Variants in CACNA2D3 observed in about 807,000 individuals in gnomAD.
The protein encoded by CACNA2D3 is voltage-dependent calcium channel subunit alpha-2/delta-3.
CACNA2D3 carries 60 observed loss-of-function variants against 160.6 expected under a neutral mutation model. The observed-to-expected ratio is 0.37, with a 90% CI of 0.30 to 0.46. The LOEUF (loss-of-function observed/expected upper bound fraction) is 0.46. CACNA2D3 is among the 20% of genes least tolerant of loss of function. The pLI is 1.00. For synonymous variants in CACNA2D3, 558 were observed against 492.9 expected (o/e 1.13, Z -1.75); for missense variants, 1,205 against 1,365.0 (o/e 0.88, Z 1.85).
intron 9 of CACNA2D3, among the ~76,000 whole-genome samples, chr3:54,618,760 G>A (rs1698919145): frequency 6.6e-6 from 1 of 152,176 alleles, no homozygotes; most frequent in Non-Finnish European, 1.5e-5. Flanking sequence ...AACTGTAGGT[G>A]TGACTGCGAG....
chr3:54,321,179 G>C (rs1198604644), intron 3 of CACNA2D3, among the ~76,000 whole-genome samples: 1 of 152,092 alleles, frequency 6.6e-6, no homozygotes, highest in African/African-American at 2.4e-5. Flanking sequence ...AATTAGCCGG[G>C]TGTGTTGGTG....
chr3:54,809,627 T>C (rs948968656), intron 13 of CACNA2D3, among the ~76,000 whole-genome samples: 3 of 149,560 alleles, frequency 2.0e-5, no homozygotes, highest in African/African-American at 5.1e-5. Context: ...CCCTTCCTTC[T>C]TTCTTTCTTT....
At chr3:54,487,336 C>T (rs1701030405) in intron 4 of CACNA2D3, among the ~76,000 whole-genome samples, 1 of 152,100 alleles carries the variant, frequency 6.6e-6, no homozygotes, top group South Asian at 2.1e-4. Flanking sequence ...CCACTGCACT[C>T]CTGCTTGGGT....
At chr3:55,073,399 A>C in intron 35 of CACNA2D3, 46 bp from the exon 36 acceptor site, 1 of 1,447,686 alleles carries the variant, frequency 6.9e-7, no homozygotes, top group South Asian at 1.1e-5. Context: ...TGGCTCTTTA[A>C]TTGACGGATG....
intron 3 of CACNA2D3, among the ~76,000 whole-genome samples, chr3:54,341,660 A>G (rs116276113): frequency 7.9e-5 from 12 of 152,338 alleles, no homozygotes; most frequent in Non-Finnish European, 1.5e-4. Flanking sequence ...AAGTGTCAGT[A>G]GCATCTCCAG....
rs137949841 is a variant in CACNA2D3, at chr3:54,891,466, C to A, written c.2246+16C>A. 16,025 of 1,578,646 alleles carry A rather than the reference C, an allele frequency of 0.01. 125 individuals carry two copies. The highest frequency in any genetic ancestry group is 0.012 in the Non-Finnish European group (13,829 of 1,148,008). Reference sequence around the variant, plus strand: ...TCACCAATCAGTAAGTAGGAGGGATCCTCTACAGGGGCCCAGGGAGCTTCT... The same window carrying A: ...TCACCAATCAGTAAGTAGGAGGGATACTCTACAGGGGCCCAGGGAGCTTCT... On this transcript the variant is annotated intron_variant, in intron 25 of 37. Coordinates refer to ENST00000474759, the MANE Select transcript of CACNA2D3 (RefSeq NM_018398.3).
chr3:54,155,129 TG>T (rs1261077513), intron 2 of CACNA2D3, among the ~76,000 whole-genome samples: 1 of 152,174 alleles, frequency 6.6e-6, no homozygotes, highest in Non-Finnish European at 1.5e-5. Context: ...CTCTGTAAAA[TG>T]GAACATTGGA....
chr3:54,439,250 T>C (rs1275574504), intron 4 of CACNA2D3, among the ~76,000 whole-genome samples: 3 of 152,138 alleles, frequency 2.0e-5, no homozygotes, highest in Non-Finnish European at 4.4e-5. Flanking sequence ...TTGTCTCCTT[T>C]GAGGTTACTG....
intron 11 of CACNA2D3, among the ~76,000 whole-genome samples, chr3:54,700,742 C>G (rs776350007): frequency 6.6e-6 from 1 of 152,170 alleles, no homozygotes; most frequent in Non-Finnish European, 1.5e-5. Flanking sequence ...TTATCCTATG[C>G]ATTGGGCTCT....
intron 3 of CACNA2D3, among the ~76,000 whole-genome samples, chr3:54,325,302 T>C (rs558868655): frequency 3.2e-4 from 48 of 152,264 alleles, no homozygotes; most frequent in African/African-American, 1.1e-3. Context: ...GTAATTTTGG[T>C]GCGGTACATA....
At chr3:54,781,784 T>C (rs1702542404) in intron 13 of CACNA2D3, among the ~76,000 whole-genome samples, 1 of 152,228 alleles carries the variant, frequency 6.6e-6, no homozygotes. Flanking sequence ...GTTTTAAAGC[T>C]CAAGGAGGTT....
At chr3:54,232,907 C>G (rs1422971436) in intron 2 of CACNA2D3, among the ~76,000 whole-genome samples, 1 of 152,206 alleles carries the variant, frequency 6.6e-6, no homozygotes, top group African/African-American at 2.4e-5. Flanking sequence ...TGGCTGTCTG[C>G]AAAATGCTGT....
chr3:54,949,572 C>T (rs1457730107), intron 27 of CACNA2D3, among the ~76,000 whole-genome samples: 1 of 152,196 alleles, frequency 6.6e-6, no homozygotes, highest in Admixed American at 6.5e-5. Flanking sequence ...CCATTGATGC[C>T]ATACCCAAGG....
At chr3:54,589,518 G>T (rs1251555317) in intron 9 of CACNA2D3, among the ~76,000 whole-genome samples, 2 of 151,476 alleles carry the variant, frequency 1.3e-5, no homozygotes, top group South Asian at 4.2e-4. Context: ...AATATAATTT[G>T]TAAAAGGAAA....
chr3:54,179,936 T>G (rs1409179165), intron 2 of CACNA2D3, among the ~76,000 whole-genome samples: 1 of 151,826 alleles, frequency 6.6e-6, no homozygotes, highest in East Asian at 2.0e-4. Context: ...TCTTCCAAAA[T>G]TCTTCAGCAG....
At chr3:54,426,190 A>G (rs1488095836) in intron 4 of CACNA2D3, among the ~76,000 whole-genome samples, 1 of 152,208 alleles carries the variant, frequency 6.6e-6, no homozygotes, top group Non-Finnish European at 1.5e-5. Context: ...GACAGCTGGT[A>G]GACACATTAT....
At chr3:55,070,329 G>T (rs1398170784) in intron 35 of CACNA2D3, among the ~76,000 whole-genome samples, 1 of 152,180 alleles carries the variant, frequency 6.6e-6, no homozygotes, top group Non-Finnish European at 1.5e-5. Flanking sequence ...GAGAGAGTTG[G>T]AGGGAGAGAG....
At chr3:54,646,029 G>A (rs1180516719) in intron 11 of CACNA2D3, among the ~76,000 whole-genome samples, 3 of 151,906 alleles carry the variant, frequency 2.0e-5, no homozygotes, top group Non-Finnish European at 4.4e-5. Flanking sequence ...ATGGAATCTC[G>A]TATAGGTGAA....
At chr3:54,277,934 T>C (rs1702783969) in intron 2 of CACNA2D3, among the ~76,000 whole-genome samples, 1 of 151,986 alleles carries the variant, frequency 6.6e-6, no homozygotes, top group Non-Finnish European at 1.5e-5. Context: ...CTATTATTGG[T>C]GTATAGGAAT....
Sources: gnomAD v4.1 joint callset for allele counts (sites outside exome capture counted in the v4.1 genomes callset) on GRCh38, gnomAD v4.1.1 for gene constraint, MANE v1.5 for transcripts, NCBI Gene and HGNC (gene_info 2026-07-23, HGNC 2026-07-21) for gene names.